The following AHCYL2 variants were observed in gnomAD, a reference collection of about 807,000 sequenced individuals.
AHCYL2 encodes the protein adenosylhomocysteinase like 2.
AHCYL2 carries 28 observed loss-of-function variants against 81.4 expected under a neutral mutation model. The ratio of observed to expected loss-of-function variants is 0.34; its 90% CI spans 0.25 to 0.47. The LOEUF (loss-of-function observed/expected upper bound fraction) is 0.47. Ranked by LOEUF, AHCYL2 falls within the 20% of genes least tolerant of loss-of-function variation. The pLI, the probability that AHCYL2 is intolerant of heterozygous loss-of-function variation, is 1.00. For synonymous variants in AHCYL2, 272 were observed against 290.2 expected, an observed-to-expected ratio of 0.94 and a Z score of 0.64; for missense variants, 551 against 785.1, an observed-to-expected ratio of 0.70 and a Z score of 3.56.
intron 1 of AHCYL2, among the ~76,000 whole-genome samples, chr7:129,303,736 A>G (rs1054772100): frequency 6.6e-6 from 1 of 152,020 alleles, no homozygotes; most frequent in Non-Finnish European, 1.5e-5. Context: ...ATGCATTGTT[A>G]GGCTATTTAT....
intron 11 of AHCYL2, among the ~76,000 whole-genome samples, chr7:129,412,792 A>G (rs893516495): frequency 2.0e-5 from 3 of 151,936 alleles, no homozygotes; most frequent in Non-Finnish European, 2.9e-5. Flanking sequence ...TCATGTGTTT[A>G]TTGGCCATTT....
chr7:129,277,637 A>C (rs1463597531), intron 1 of AHCYL2, among the ~76,000 whole-genome samples: 1 of 152,116 alleles, frequency 6.6e-6, no homozygotes, highest in East Asian at 1.9e-4. Context: ...GCTTCATATA[A>C]TAATAGAGTC....
intron 2 of AHCYL2, among the ~76,000 whole-genome samples, chr7:129,387,932 C>T (rs1030441332): frequency 2.0e-5 from 3 of 152,196 alleles, no homozygotes; most frequent in African/African-American, 7.2e-5. Context: ...TTTGTAGTGC[C>T]ATGCCTGATT....
chr7:129,351,016 C>CT (rs1793545248), intron 1 of AHCYL2, among the ~76,000 whole-genome samples: 1 of 152,016 alleles, frequency 6.6e-6, no homozygotes, highest in Non-Finnish European at 1.5e-5. Flanking sequence ...GGCCTAATTT[C>CT]TTTTTTAAAA....
chr7:129,243,060 G>A (rs1407296148), intron 1 of AHCYL2, among the ~76,000 whole-genome samples: 12 of 129,072 alleles, frequency 9.3e-5, no homozygotes, highest in Non-Finnish European at 1.9e-4. Context: ...TCACTCTGTC[G>A]CCCAGGCTGG....
intron 1 of AHCYL2, among the ~76,000 whole-genome samples, chr7:129,322,727 G>A (rs1233765505): frequency 6.6e-6 from 1 of 152,062 alleles, no homozygotes; most frequent in Non-Finnish European, 1.5e-5. Context: ...GAGTAGCTGG[G>A]GCTATAGGCG....
At chr7:129,408,158 G>A (rs1796390324) in intron 10 of AHCYL2, among the ~76,000 whole-genome samples, 1 of 152,130 alleles carries the variant, frequency 6.6e-6, no homozygotes, top group African/African-American at 2.4e-5. Flanking sequence ...AGAACAGGCA[G>A]TCTCACTGAA....
At chr7:129,351,730 G>A (rs1000119532) in intron 1 of AHCYL2, 1 of 152,130 alleles carries the variant, frequency 6.6e-6, no homozygotes, top group Non-Finnish European at 1.5e-5. Flanking sequence ...CAGTGGTCTC[G>A]CAGCACCTCT....
chr7:129,394,248 C>T (rs990703076), intron 4 of AHCYL2, among the ~76,000 whole-genome samples: 2 of 151,636 alleles, frequency 1.3e-5, no homozygotes, highest in Non-Finnish European at 2.9e-5. Flanking sequence ...TGGCCTCAAG[C>T]GATCTCCTGC....
At chr7:129,232,967 A>C (rs1794500099) in intron 1 of AHCYL2, among the ~76,000 whole-genome samples, 1 of 152,174 alleles carries the variant, frequency 6.6e-6, no homozygotes, top group Non-Finnish European at 1.5e-5. Flanking sequence ...TAGAACTTGG[A>C]GTGATGTACG....
intron 1 of AHCYL2, among the ~76,000 whole-genome samples, chr7:129,301,823 A>G (rs1298558819): frequency 2.6e-5 from 4 of 151,872 alleles, no homozygotes; most frequent in East Asian, 3.9e-4. Context: ...CTTTTTGCCC[A>G]TGATAGCTTT....
At chr7:129,405,344 CACCTCATAAATTAAAATT>C (rs1195236191) in intron 8 of AHCYL2, 131 bp downstream of exon 8, 2 of 508,570 alleles carry the variant, frequency 3.9e-6, no homozygotes, top group Non-Finnish European at 7.0e-6. Context: ...AGAGCTTTGT[CACCTCATAAATTAAAATT>C]ACATTATTTT....
At chr7:129,274,569 G>A (rs1584731372) in intron 1 of AHCYL2, among the ~76,000 whole-genome samples, 1 of 152,086 alleles carries the variant, frequency 6.6e-6, no homozygotes, top group African/African-American at 2.4e-5. Flanking sequence ...CTTGAATCTG[G>A]GCTGGCTTTA....
At chr7:129,381,577 GAACTT>G (rs1381448656) in intron 2 of AHCYL2, among the ~76,000 whole-genome samples, 2 of 152,138 alleles carry the variant, frequency 1.3e-5, no homozygotes, top group Non-Finnish European at 2.9e-5. Context: ...AGATGAAAAA[GAACTT>G]AAAGATCTCA....
At chr7:129,241,241 A>G (rs769061881) in intron 1 of AHCYL2, among the ~76,000 whole-genome samples, 6 of 152,310 alleles carry the variant, frequency 3.9e-5, no homozygotes, top group Non-Finnish European at 4.4e-5. Flanking sequence ...TCCAAAAAGA[A>G]CTATTTTCTC....
At chr7:129,319,101 G>T (rs1797926735) in intron 1 of AHCYL2, among the ~76,000 whole-genome samples, 1 of 151,900 alleles carries the variant, frequency 6.6e-6, no homozygotes, top group South Asian at 2.1e-4. Flanking sequence ...AGAAATAATG[G>T]GCAAAGAATG....
At chr7:129,356,596 C>T (rs1030460345) in intron 1 of AHCYL2, among the ~76,000 whole-genome samples, 1 of 152,108 alleles carries the variant, frequency 6.6e-6, no homozygotes, top group African/African-American at 2.4e-5. Context: ...TGATGAGGGG[C>T]ATTATTTTGT....
At chr7:129,414,979 T>A (rs1379198064) in intron 12 of AHCYL2, among the ~76,000 whole-genome samples, 1 of 152,202 alleles carries the variant, frequency 6.6e-6, no homozygotes, top group East Asian at 1.9e-4. Flanking sequence ...TGTGCTCTAT[T>A]CTTCCATTAT....
Position 129,316,649 on chromosome 7 carries a change from T to G in AHCYL2, c.364-62989T>G, listed in dbSNP as rs112970869. Among the ~76,000 whole-genome samples the G allele has an allele frequency of 5.9e-3, 906 of 152,354 alleles. 11 individuals are homozygous for G. Among genetic ancestry groups the G allele is most frequent in the African/African-American group, 0.021 (872 of 41,578 alleles). ...TATTTATTAGCCATGCACAGTATAT[T>G]AAGCACTGTATACAACACAGTACAT... On this transcript the variant is annotated intron_variant, in intron 1 of 16. Transcript: ENST00000325006.
Sources: allele counts gnomAD v4.1 joint callset (sites outside exome capture counted in the v4.1 genomes callset), GRCh38; gene constraint gnomAD v4.1.1; transcripts MANE v1.5; gene names NCBI Gene and HGNC (gene_info 2026-07-23, HGNC 2026-07-21).